ZNF185: variants seen among roughly 807,000 people sequenced by gnomAD.
The protein encoded by ZNF185 is zinc finger protein 185.
In ZNF185, 56 loss-of-function variants were observed where a neutral mutation model predicts 58.6. The observed-to-expected ratio is 0.95, with a 90% CI of 0.77 to 1.19. The LOEUF is 1.19. ZNF185 is among the 50% of genes most tolerant of loss of function. The pLI is 0.00. For missense variants in ZNF185, 627 were observed against 573.5 expected (o/e 1.09, Z -0.95); for synonymous variants, 230 against 215.9 (o/e 1.07, Z -0.57).
chrX:152,955,524 A>G (rs899678227), intron 16 of ZNF185, among the ~76,000 whole-genome samples: 9 of 112,729 alleles, frequency 8.0e-5, no homozygotes, highest in Admixed American at 5.6e-4. Flanking sequence ...ATTTAGCATG[A>G]GCAACTCCAT....
upstream of ZNF185, among the ~76,000 whole-genome samples, chrX:152,909,527 C>T (rs781898989): frequency 3.6e-5 from 4 of 112,212 alleles, no homozygotes; most frequent in Non-Finnish European, 7.5e-5. Flanking sequence ...CCTCCTGTCC[C>T]GTCATCTCTT....
intron 11 of ZNF185, among the ~76,000 whole-genome samples, chrX:152,923,390 C>T (rs1940176601): frequency 8.9e-6 from 1 of 112,379 alleles, no homozygotes; most frequent in South Asian, 3.7e-4. Context: ...AGCATGAGGC[C>T]AGCTCCCTCC....
exon 23 of ZNF185, chrX:152,972,213 C>T (rs2050693392): frequency 8.9e-6 from 1 of 112,183 alleles, no homozygotes; most frequent in African/African-American, 3.2e-5. Context: ...GATATTGGAA[C>T]TCAGAGAGGT....
chrX:152,959,997 A>G lies in ZNF185; in HGVS notation c.1607+101A>G, dbSNP rs782601927. On this transcript the variant is annotated intron_variant, in intron 17 of 22. Coordinates refer to ENST00000449285, the Ensembl canonical transcript of ZNF185. ...CCCCACACACTAGGCATGCCTGTTT[A>G]TCCTCTGCAGGTGAGTGTGGTTAGG... The G allele has an allele frequency of 5.4e-5, 46 of 849,929 alleles. 1 individual carries two copies. In the South Asian group the frequency reaches 1.2e-3, roughly 22 times the overall value. The allele number at this position is 849,929 out of a possible 1,213,427, so 70.0% of individuals were successfully genotyped here. A position where few individuals can be genotyped will look rare whatever the true frequency, so the allele number is the denominator to read the frequency against.
intron 10 of ZNF185, 141 bp downstream of exon 11, chrX:152,922,397 A>C: frequency 1.6e-6 from 1 of 617,767 alleles, no homozygotes. Context: ...GACGGGACAA[A>C]GAAATCAGTA....
chrX:152,922,209 G>A (rs1556869961), exon 10 of ZNF185: 2 of 1,195,447 alleles, frequency 1.7e-6, no homozygotes, highest in Non-Finnish European at 2.3e-6. Flanking sequence ...CTTCTGAGAA[G>A]AGCCAGGACC....
chrX:152,939,821 C>T (rs183695566), intron 15 of ZNF185, among the ~76,000 whole-genome samples: 4,764 of 63,943 alleles, frequency 0.075, 352 homozygotes, highest in African/African-American at 0.25. Flanking sequence ...TTTGCTTTGT[C>T]GCCCCAGCTG....
chrX:152,946,379 T>TAGATAGG (rs3838181), intron 16 of ZNF185, among the ~76,000 whole-genome samples: 25,877 of 110,494 alleles, frequency 0.23, 2,320 homozygotes, highest in South Asian at 0.38. Context: ...TATTAATAGT[T>TAGATAGG]AGGTTATTTT....
In ZNF185 at chrX:152,917,171, T is replaced by C; in HGVS notation, c.263+2T>C. 8.3e-7 allele frequency: 1 copy of C among 1,211,278 alleles called. No homozygotes were observed. The highest frequency in any genetic ancestry group is 2.2e-5 in the Admixed American group (1 of 46,101). ...GGCTCCCACTGGCTACATCATCCGG[T>C]AAGTGACCGCAGGACTCTGCCGGCC... On this transcript the variant is annotated splice_donor_variant, in intron 4 of 22. Transcript: ENST00000449285. LOFTEE classifies it high-confidence loss of function.
rs193053457 is a variant in ZNF185 at position 152,923,034 on chromosome X, A to G, written c.830+225A>G. On this transcript the variant is annotated intron_variant, in intron 11 of 22. Coordinates refer to ENST00000449285, the Ensembl canonical transcript of ZNF185. ...GCTCTCTTGTCTGTGGACAACTAATACCTTCTTGTACTTTGTGCAGAATGG... is the reference window on the plus strand; with the variant it reads ...GCTCTCTTGTCTGTGGACAACTAATGCCTTCTTGTACTTTGTGCAGAATGG... Among the ~76,000 whole-genome samples the G allele has an allele frequency of 7.6e-4, 85 of 111,973 alleles. 1 individual carries two copies. The highest frequency in any genetic ancestry group is 2.7e-3 in the African/African-American group (84 of 30,846).
chrX:152,972,159 A>T (rs782783431), exon 23 of ZNF185: 1 of 112,370 alleles, frequency 8.9e-6, no homozygotes, highest in African/African-American at 3.2e-5. Context: ...AATCCCCATA[A>T]TAATCCTGTG....
exon 23 of ZNF185, chrX:152,973,270 TGCA>T: frequency 8.9e-6 from 1 of 112,231 alleles, no homozygotes; most frequent in Non-Finnish European, 1.9e-5. Context: ...AGAACCAACA[TGCA>T]AGACATTGAA....
chrX:152,922,646 T>C (rs1939980572), intron 10 of ZNF185, 74 bp from the exon 12 acceptor site: 1 of 976,523 alleles, frequency 1.0e-6, no homozygotes, highest in Non-Finnish European at 1.4e-6. Context: ...CTCCAATAAG[T>C]TAGCCACATT....
upstream of ZNF185, among the ~76,000 whole-genome samples, chrX:152,912,938 C>T (rs1002261038): frequency 8.0e-5 from 9 of 112,852 alleles, no homozygotes; most frequent in African/African-American, 2.9e-4. Flanking sequence ...GCTGGGCACG[C>T]GGGGCTCCCA....
At chrX:152,947,399 A>G (rs782763165) in intron 16 of ZNF185, among the ~76,000 whole-genome samples, 1 of 111,831 alleles carries the variant, frequency 8.9e-6, no homozygotes, top group Admixed American at 9.5e-5. Context: ...AAAAATAAAA[A>G]AAATAAAGAT....
chrX:152,910,975 G>C (rs1396032445), upstream of ZNF185, among the ~76,000 whole-genome samples: 1 of 111,964 alleles, frequency 8.9e-6, no homozygotes, highest in African/African-American at 3.3e-5. Context: ...AGGAGACCTG[G>C]GTCCGAGCAG....
At chrX:152,931,695 A>C in exon 13 of ZNF185, 1 of 1,210,338 alleles carries the variant, frequency 8.3e-7, no homozygotes, top group South Asian at 1.8e-5. Flanking sequence ...AACAAAGACA[A>C]GGAGGCCCCC....
chrX:152,960,378 C>G (rs2049334382), intron 17 of ZNF185, among the ~76,000 whole-genome samples: 1 of 112,339 alleles, frequency 8.9e-6, no homozygotes, highest in Non-Finnish European at 1.9e-5. Context: ...CAGGGTTGCT[C>G]ATTGATTGCA....
intron 11 of ZNF185, among the ~76,000 whole-genome samples, chrX:152,928,025 G>A (rs1168837433): frequency 8.9e-6 from 1 of 112,666 alleles, no homozygotes; most frequent in African/African-American, 3.2e-5. Flanking sequence ...TTGGAGGGAT[G>A]TGTGTCCGGG....
Sources: allele counts gnomAD v4.1 joint callset (sites outside exome capture counted in the v4.1 genomes callset), GRCh38; gene constraint gnomAD v4.1.1; transcripts MANE v1.5; gene names NCBI Gene and HGNC (gene_info 2026-07-23, HGNC 2026-07-21).